The following LRRIQ1 variants were observed in gnomAD, a reference collection of about 807,000 sequenced individuals.
LRRIQ1 encodes leucine-rich repeat- and IQ domain-containing protein 1.
Under a neutral mutation model 211.9 loss-of-function variants are expected in LRRIQ1, and 210 were observed. The observed-to-expected ratio is 0.99, with a 90% CI of 0.89 to 1.11. The LOEUF (loss-of-function observed/expected upper bound fraction) is 1.11. Among genes scored for constraint, LRRIQ1 ranks in the 50% most tolerant of loss-of-function variants. LRRIQ1 has a pLI of 0.00. For synonymous variants in LRRIQ1, 699 were observed against 650.1 expected (o/e 1.08, Z -1.14); for missense variants, 2,136 against 1,939.5 (o/e 1.10, Z -1.90).
chr12:85,196,831 T>C (rs1892942963), intron 24 of LRRIQ1, among the ~76,000 whole-genome samples: 1 of 151,834 alleles, frequency 6.6e-6, no homozygotes, highest in Non-Finnish European at 1.5e-5. Flanking sequence ...ACAAATGGGA[T>C]CTAATTAAAC....
chr12:85,251,009 T>C (rs1481319693), intron 1 of LRRIQ1, among the ~76,000 whole-genome samples: 2 of 124,348 alleles, frequency 1.6e-5, no homozygotes, highest in African/African-American at 6.1e-5. Context: ...ATATAATATA[T>C]ATACCTTAAA....
intron 13 of LRRIQ1, among the ~76,000 whole-genome samples, chr12:85,102,959 A>AAAAAT (rs1458673370): frequency 7.4e-5 from 8 of 108,500 alleles, no homozygotes; most frequent in African/African-American, 2.9e-4. Flanking sequence ...AAAAAAAAAA[A>AAAAAT]ATATATATAT....
At chr12:85,082,248 T>G (rs886561897) in intron 11 of LRRIQ1, among the ~76,000 whole-genome samples, 16 of 152,268 alleles carry the variant, frequency 1.1e-4, no homozygotes, top group Admixed American at 5.2e-4. Flanking sequence ...TTATTAACTT[T>G]TACTTTCACC....
intron 3 of LRRIQ1, among the ~76,000 whole-genome samples, chr12:85,040,811 T>C (rs1425879650): frequency 6.6e-6 from 1 of 151,524 alleles, no homozygotes; most frequent in East Asian, 1.9e-4. Flanking sequence ...CTTCAGTAAA[T>C]ACCATCAGCA....
At chr12:85,098,601 A>G in intron 12 of LRRIQ1, 53 bp downstream of exon 12, 1 of 1,427,910 alleles carries the variant, frequency 7.0e-7, no homozygotes. Flanking sequence ...TTTTCTTTTG[A>G]TAGAAATACC....
chr12:85,066,476 T>A (rs888164172), intron 9 of LRRIQ1, among the ~76,000 whole-genome samples: 1 of 151,842 alleles, frequency 6.6e-6, no homozygotes, highest in Non-Finnish European at 1.5e-5. Context: ...ATTAACTTTT[T>A]AAAATTTATA....
At chr12:85,039,461 T>C (rs1236738805) in intron 2 of LRRIQ1, among the ~76,000 whole-genome samples, 2 of 151,666 alleles carry the variant, frequency 1.3e-5, no homozygotes, top group African/African-American at 2.4e-5. Flanking sequence ...AAAAGTAGAA[T>C]TGATATTTTT....
intron 24 of LRRIQ1, among the ~76,000 whole-genome samples, chr12:85,200,955 G>A (rs563148743): frequency 6.6e-6 from 1 of 151,958 alleles, no homozygotes; most frequent in Admixed American, 6.6e-5. Context: ...GAGTAGCTGG[G>A]ACTGCAGGTG....
At chr12:85,264,855 A>C (rs1021306567), downstream of LRRIQ1, among the ~76,000 whole-genome samples, 1 of 151,942 alleles carries the variant, frequency 6.6e-6, no homozygotes, top group Admixed American at 6.6e-5. Context: ...CCTATCCCCA[A>C]CCCCTTACAG....
downstream of LRRIQ1, among the ~76,000 whole-genome samples, chr12:85,247,305 G>A (rs77196916): frequency 6.3e-3 from 956 of 151,658 alleles, 7 homozygotes; most frequent in African/African-American, 0.022. Flanking sequence ...TTCTCTCTCT[G>A]TCTCAAAATT....
At chr12:85,236,173 C>T (rs1895164044) in intron 26 of LRRIQ1, among the ~76,000 whole-genome samples, 2 of 152,036 alleles carry the variant, frequency 1.3e-5, no homozygotes, top group Non-Finnish European at 2.9e-5. Flanking sequence ...ACAGGTAAAA[C>T]AAGGAATAAT....
chr12:85,151,522 G>T lies in LRRIQ1; in HGVS notation c.4330-758G>T, dbSNP rs1244666628. On this transcript the variant is annotated intron_variant, in intron 19 of 26. Coordinates refer to ENST00000393217, the MANE Select transcript of LRRIQ1 (RefSeq NM_001079910.2). ...TCCCCCAAAAAATTACAGAAACATA[G>T]AAATTAATTCTAAGCCATATTATAT... is the stretch of plus-strand genomic sequence containing the variant. Among the ~76,000 whole-genome samples the T allele has an allele frequency of 2.0e-5, 3 of 151,304 alleles. No homozygotes were observed. In the East Asian group the frequency reaches 5.8e-4, roughly 29 times the overall value.
intron 15 of LRRIQ1, 70 bp from the exon 16 acceptor site, chr12:85,121,627 A>T: frequency 8.8e-7 from 1 of 1,139,972 alleles, no homozygotes; most frequent in South Asian, 2.0e-5. Flanking sequence ...AATGATTAGT[A>T]TATGGTTATT....
intron 24 of LRRIQ1, among the ~76,000 whole-genome samples, chr12:85,194,516 A>G (rs1489424216): frequency 4.0e-5 from 6 of 150,062 alleles, no homozygotes; most frequent in Admixed American, 1.3e-4. Context: ...AGGATTAAGA[A>G]TCTCACTCAA....
At chr12:85,158,979 C>A (rs1239990873) in intron 23 of LRRIQ1, among the ~76,000 whole-genome samples, 2 of 151,352 alleles carry the variant, frequency 1.3e-5, no homozygotes, top group East Asian at 3.9e-4. Flanking sequence ...GATTTTTTTT[C>A]TATCTAAAAG....
At chr12:85,192,154 C>T (rs536196326) in intron 24 of LRRIQ1, among the ~76,000 whole-genome samples, 1 of 151,314 alleles carries the variant, frequency 6.6e-6, no homozygotes, top group East Asian at 1.9e-4. Context: ...CCTTATCCAT[C>T]TCCTGTCCTT....
chr12:85,250,895 TTATATATTATATATAA>T, intron 1 of LRRIQ1, among the ~76,000 whole-genome samples: 1 of 87,924 alleles, frequency 1.1e-5, no homozygotes, highest in Non-Finnish European at 1.9e-5. Flanking sequence ...ATAATATATT[TTATATATTATATATAA>T]TATATTTTAT....
chr12:85,244,415 A>G (rs1354087039), intron 26 of LRRIQ1, among the ~76,000 whole-genome samples: 1 of 151,664 alleles, frequency 6.6e-6, no homozygotes, highest in Non-Finnish European at 1.5e-5. Flanking sequence ...TTTGCAAAAA[A>G]TAACCCCATA....
intron 4 of LRRIQ1, among the ~76,000 whole-genome samples, 182 bp from the exon 5 acceptor site, chr12:85,045,838 A>G (rs1309658749): frequency 6.6e-6 from 1 of 152,030 alleles, no homozygotes; most frequent in Non-Finnish European, 1.5e-5. Flanking sequence ...TTGCATGGGA[A>G]AATTTTTTAT....
Sources: allele counts gnomAD v4.1 joint callset (sites outside exome capture counted in the v4.1 genomes callset), GRCh38; gene constraint gnomAD v4.1.1; transcripts MANE v1.5; gene names NCBI Gene and HGNC (gene_info 2026-07-23, HGNC 2026-07-21).